The following COL6A5 variants were observed in gnomAD, a reference collection of about 807,000 sequenced individuals.
The protein encoded by COL6A5 is collagen alpha-5(VI) chain.
Under a neutral mutation model 65.6 loss-of-function variants are expected in COL6A5, and 48 were observed. The ratio of observed to expected loss-of-function variants is 0.73; its 90% CI spans 0.58 to 0.93. The LOEUF is 0.93. COL6A5 is among the 40% of genes least tolerant of loss of function. The pLI is 0.00. For synonymous variants in COL6A5, 291 were observed against 322.8 expected, an observed-to-expected ratio of 0.90 and a Z score of 1.05; for missense variants, 914 against 928.3, an observed-to-expected ratio of 0.98 and a Z score of 0.20.
chr3:130,405,939 T>C, intron 14 of COL6A5, 54 bp from the exon 15 acceptor site: 1 of 1,523,780 alleles, frequency 6.6e-7, no homozygotes, highest in Non-Finnish European at 8.9e-7. Context: ...AGGCAGTCTT[T>C]GAATCCACAC....
At chr3:130,348,785 T>C (rs1934595639) in intron 1 of COL6A5, among the ~76,000 whole-genome samples, 1 of 152,250 alleles carries the variant, frequency 6.6e-6, no homozygotes, top group Non-Finnish European at 1.5e-5. Flanking sequence ...CCAGCATCTG[T>C]TGTTTCCTGA....
At chr3:130,382,569 G>A (rs528866255) in intron 4 of COL6A5, among the ~76,000 whole-genome samples, 1 of 152,116 alleles carries the variant, frequency 6.6e-6, no homozygotes. Context: ...TAGGGCCTGG[G>A]CCCATGCATT....
exon 4 of COL6A5, chr3:130,379,577 T>A: frequency 6.4e-7 from 1 of 1,551,464 alleles, no homozygotes; most frequent in Non-Finnish European, 8.7e-7. Flanking sequence ...CGACTTGGAC[T>A]GATGAGTTAC....
rs1274667480 is a variant in COL6A5, at chr3:130,401,752, T to C, written c.4135-10T>C. ...TTGCTATTCCCTCAGCTTTACTTTT[T>C]TTCCCCCAGGGAAATATTGCAGAGA... is the stretch of plus-strand genomic sequence containing the variant. On this transcript the variant is annotated splice_polypyrimidine_tract_variant and intron_variant and NMD_transcript_variant, in intron 11 of 41. Transcript: ENST00000312481. The C allele has an allele frequency of 5.2e-6, 8 of 1,547,926 alleles. No individual in the cohort carries two copies. The African/African-American group carries it at 8.2e-5, about 16-fold the overall frequency.
chr3:130,484,714 C>T (rs960004052), exon 8 of COL6A5: 2 of 398,546 alleles, frequency 5.0e-6, no homozygotes, highest in Non-Finnish European at 8.9e-6. Flanking sequence ...AGCAGCTTTG[C>T]TTTGTGTATA....
intron 7 of COL6A5, among the ~76,000 whole-genome samples, chr3:130,474,831 G>C (rs1285857648): frequency 6.6e-6 from 1 of 151,074 alleles, no homozygotes; most frequent in East Asian, 2.0e-4. Flanking sequence ...AACATGGTGA[G>C]ACCCCATCTC....
intron 7 of COL6A5, among the ~76,000 whole-genome samples, chr3:130,473,655 G>A (rs896240979): frequency 1.2e-4 from 19 of 152,032 alleles, no homozygotes; most frequent in South Asian, 2.1e-4. Flanking sequence ...GACAAACTGC[G>A]TATGCCACCC....
exon 8 of COL6A5, chr3:130,394,925 T>C: frequency 6.4e-7 from 1 of 1,551,390 alleles, no homozygotes; most frequent in South Asian, 1.2e-5. Context: ...GATTTTCCTT[T>C]GCGATGGCTC....
chr3:130,395,447 C>T lies in COL6A5; in HGVS notation c.3550C>T (p.Gln1184Ter), dbSNP rs115380050. 9.1e-4 allele frequency: 1,400 copies of T among 1,543,558 alleles called. 13 individuals are homozygous for T. The African/African-American group carries it at 0.016, about 18-fold the overall frequency. The change falls in exon 8 of 42, where the codon CAG (glutamine) becomes TAG (stop). Residue 1184 changes from glutamine (Q) to a stop codon, truncating the protein, a stop_gained and NMD_transcript_variant. Transcript: ENST00000312481. The stretch of plus-strand genomic sequence containing the variant: ...AAAAAGAATCATCCGTGAAATCTGC[C>T]AGAGCTGTGGGAAAACCAGTAAGTG...
At chr3:130,464,784 T>C (rs936349308) in intron 5 of COL6A5, among the ~76,000 whole-genome samples, 1 of 151,954 alleles carries the variant, frequency 6.6e-6, no homozygotes. Flanking sequence ...TGGTGGAGAG[T>C]AGGAGGCCCA....
At chr3:130,352,106 A>G (rs1390391775) in intron 1 of COL6A5, among the ~76,000 whole-genome samples, 4 of 152,168 alleles carry the variant, frequency 2.6e-5, no homozygotes, top group Non-Finnish European at 4.4e-5. Context: ...GAATTGAACA[A>G]TGAGAACACT....
At chr3:130,376,307 C>A (rs1410616301) in exon 3 of COL6A5, 2 of 1,613,504 alleles carry the variant, frequency 1.2e-6, no homozygotes, top group Non-Finnish European at 1.7e-6. Context: ...CTAAGTCATT[C>A]CCATTCGTGA....
At chr3:130,389,583 G>C (rs1380598943) in intron 6 of COL6A5, among the ~76,000 whole-genome samples, 1 of 149,468 alleles carries the variant, frequency 6.7e-6, no homozygotes, top group African/African-American at 2.5e-5. Context: ...GAAAACCCTG[G>C]GTATTTTAAA....
chr3:130,413,707 G>A (rs1397199506), intron 21 of COL6A5, 127 bp downstream of exon 21: 3 of 968,354 alleles, frequency 3.1e-6, no homozygotes, highest in Admixed American at 2.1e-5. Flanking sequence ...AGTACTGGAC[G>A]TGATCCCCAC....
chr3:130,395,494 A>C (rs1457906171), intron 8 of COL6A5, 29 bp downstream of exon 8: 2 of 1,485,678 alleles, frequency 1.3e-6, no homozygotes, highest in Non-Finnish European at 1.8e-6. Context: ...GTTTTCTTCC[A>C]TGGAAACTTC....
chr3:130,407,304 A>G (rs1047634985), intron 17 of COL6A5, among the ~76,000 whole-genome samples: 14 of 152,124 alleles, frequency 9.2e-5, no homozygotes, highest in Admixed American at 3.9e-4. Context: ...AGAGATCAAG[A>G]GATTGGGAGG....
intron 10 of COL6A5, among the ~76,000 whole-genome samples, chr3:130,399,513 GGAGCCTGCCACCACGCTTGGCTAATTT>G (rs1936734154): frequency 6.6e-6 from 1 of 151,730 alleles, no homozygotes; most frequent in South Asian, 2.1e-4. Context: ...TGGGACTACA[GGAGCCTGCCACCACGCTTGGCTAATTT>G]TTTTTTATTT....
chr3:130,440,819 G>A (rs1240769329), exon 3 of COL6A5: 2 of 1,607,922 alleles, frequency 1.2e-6, no homozygotes, highest in South Asian at 2.2e-5. Context: ...TTTATACTCG[G>A]TCAGGCGTAA....
chr3:130,476,139 C>T (rs1275580985), intron 7 of COL6A5, among the ~76,000 whole-genome samples: 1 of 152,046 alleles, frequency 6.6e-6, no homozygotes, highest in Non-Finnish European at 1.5e-5. Flanking sequence ...GCTGGAAGCC[C>T]AAGCAAGGTG....
Sources: gnomAD v4.1 joint callset for allele counts (sites outside exome capture counted in the v4.1 genomes callset) on GRCh38, gnomAD v4.1.1 for gene constraint, MANE v1.5 for transcripts, NCBI Gene and HGNC (gene_info 2026-07-23, HGNC 2026-07-21) for gene names.